Variants in DENND1B observed in about 807,000 individuals in gnomAD.
DENND1B encodes DENN domain containing 1B.
In DENND1B, 59 loss-of-function variants were observed where a neutral mutation model predicts 90.1. The observed-to-expected ratio is 0.65, with a 90% confidence interval of 0.53 to 0.81. The LOEUF is 0.81. Among genes scored for constraint, DENND1B ranks in the 40% least tolerant of loss-of-function variants. DENND1B has a pLI of 0.00. For synonymous variants in DENND1B, 337 were observed against 324.6 expected (o/e 1.04, Z -0.41); for missense variants, 862 against 912.6 (o/e 0.94, Z 0.71).
At chr1:197,707,086 A>C (rs932618399) in intron 3 of DENND1B, among the ~76,000 whole-genome samples, 4 of 152,224 alleles carry the variant, frequency 2.6e-5, no homozygotes, top group Admixed American at 2.6e-4. Flanking sequence ...CTATAAAAAA[A>C]GAACAAAATC....
At chr1:197,522,261 T>C (rs1045718383) in intron 20 of DENND1B, among the ~76,000 whole-genome samples, 7 of 152,078 alleles carry the variant, frequency 4.6e-5, no homozygotes, top group Admixed American at 3.9e-4. Flanking sequence ...ATTATCAAGA[T>C]ACGTATTTGG....
intron 15 of DENND1B, among the ~76,000 whole-genome samples, 190 bp downstream of exon 15, chr1:197,582,962 T>C (rs886793837): frequency 4.6e-5 from 7 of 152,212 alleles, no homozygotes; most frequent in African/African-American, 1.7e-4. Flanking sequence ...AAATTTTTAA[T>C]AGCAAAGTTA....
intron 16 of DENND1B, 161 bp downstream of exon 16, chr1:197,552,861 T>C: frequency 1.4e-6 from 2 of 1,393,878 alleles, no homozygotes; most frequent in Non-Finnish European, 1.8e-6. Flanking sequence ...CAAAATAAGC[T>C]AATTCCATAG....
At position 197,652,281 on chromosome 1, in the gene DENND1B, T is replaced by C. The variant is rs199778190; in HGVS notation, c.401A>G (p.Tyr134Cys). The C allele has an allele frequency of 3.7e-6, 6 of 1,611,912 alleles. No homozygotes were observed. The highest frequency in any genetic ancestry group is 1.3e-5 in the African/African-American group (1 of 74,872). Reference sequence around the variant, plus strand: ...ATTTGCCTTTGGTACTGGGTGGTTATACAGTGATCTGAGAGTTTCATTCAA... The same window carrying C: ...ATTTGCCTTTGGTACTGGGTGGTTACACAGTGATCTGAGAGTTTCATTCAA... ...NDLNETLRSL[Y>C]NHPVPKANTP... Residue 134 changes from tyrosine (Y) to cysteine (C), a missense_variant, in exon 7 of 23, where the codon TAT (tyrosine) becomes TGT (cysteine). Coordinates refer to ENST00000620048, the MANE Select transcript of DENND1B (RefSeq NM_001195215.2).
chr1:197,731,643 C>T (rs1188236299), intron 2 of DENND1B, among the ~76,000 whole-genome samples: 2 of 152,210 alleles, frequency 1.3e-5, no homozygotes, highest in Admixed American at 1.3e-4. Context: ...TTCCCTGGGC[C>T]ACAGTGGAAG....
rs1553304863 is a variant in DENND1B at position 197,614,031 on chromosome 1, C to CA, written c.774-2056_774-2055insT. 1.6e-3 allele frequency among the ~76,000 whole-genome samples: 226 copies of CA among 137,100 alleles called. 1 individual carries two copies. The highest frequency in any genetic ancestry group is 5.7e-3 in the African/African-American group (219 of 38,108). The allele number at this position is 137,100 out of a possible 152,430, so 89.9% of individuals were successfully genotyped here. A position where few individuals can be genotyped will look rare whatever the true frequency, so the allele number is the denominator to read the frequency against. On this transcript the variant is annotated intron_variant, in intron 11 of 22. Coordinates refer to ENST00000620048, the MANE Select transcript of DENND1B (RefSeq NM_001195215.2). Reference sequence around the variant, plus strand: ...AACCTACTGAATACATCTAGGAAAACTTTTTTTTTTTTTTTTTGAGACGGA... The same window carrying CA: ...AACCTACTGAATACATCTAGGAAAACATTTTTTTTTTTTTTTTTGAGACGGA...
chr1:197,635,384 C>T (rs552568698), intron 10 of DENND1B, among the ~76,000 whole-genome samples: 1 of 152,006 alleles, frequency 6.6e-6, no homozygotes, highest in South Asian at 2.1e-4. Context: ...TGTTGCCAGG[C>T]TGGAATGCAG....
At position 197,610,401 on chromosome 1, in the gene DENND1B, G is replaced by A. The variant is rs1420156949; in HGVS notation, c.819+1530C>T. 2.0e-5 allele frequency among the ~76,000 whole-genome samples: 3 copies of A among 150,324 alleles called. No individual in the cohort carries two copies. In the East Asian group the frequency reaches 5.9e-4, roughly 29 times the overall value. On this transcript the variant is annotated intron_variant, in intron 12 of 22. Transcript: ENST00000620048. ...TTTAAAATATATACCCTTTTATACAGTATTTTGGAAACGCTGAATCATTTG... is the reference window on the plus strand; with the variant it reads ...TTTAAAATATATACCCTTTTATACAATATTTTGGAAACGCTGAATCATTTG...
intron 14 of DENND1B, among the ~76,000 whole-genome samples, chr1:197,591,355 T>C (rs17622452): frequency 0.16 from 23,857 of 152,112 alleles, 2,152 homozygotes; most frequent in Non-Finnish European, 0.2. Flanking sequence ...ATATATCTGA[T>C]AAACATAAAT....
chr1:197,750,449 A>C (rs1169106514), intron 2 of DENND1B, among the ~76,000 whole-genome samples: 3 of 152,164 alleles, frequency 2.0e-5, no homozygotes, highest in Non-Finnish European at 4.4e-5. Flanking sequence ...CCAAAAGTAC[A>C]ACCATAAAAC....
intron 2 of DENND1B, among the ~76,000 whole-genome samples, chr1:197,760,356 CA>C (rs1303577969): frequency 1.3e-5 from 2 of 151,960 alleles, no homozygotes; most frequent in African/African-American, 2.4e-5. Context: ...AGAAATGAAT[CA>C]AAAAATTACT....
chr1:197,642,952 TTAAGTGTAA>T, intron 9 of DENND1B, 131 bp from the exon 10 acceptor site: 1 of 600,420 alleles, frequency 1.7e-6, no homozygotes, highest in South Asian at 2.2e-5. Context: ...ATTAAAATAA[TTAAGTGTAA>T]TACTAGTCGG....
chr1:197,780,541 G>A (rs1657401457), upstream of DENND1B, among the ~76,000 whole-genome samples: 1 of 151,890 alleles, frequency 6.6e-6, no homozygotes, highest in Non-Finnish European at 1.5e-5. Context: ...GGTCAGGACG[G>A]TCTCCATCTC....
chr1:197,778,770 T>C (rs543622365), upstream of DENND1B, among the ~76,000 whole-genome samples: 4 of 152,316 alleles, frequency 2.6e-5, no homozygotes, highest in African/African-American at 9.6e-5. Context: ...TTTCTTCTGA[T>C]CTGTTTTTTT....
At chr1:197,600,977 C>CT (rs2125823273) in intron 13 of DENND1B, among the ~76,000 whole-genome samples, 1 of 151,676 alleles carries the variant, frequency 6.6e-6, no homozygotes, top group South Asian at 2.1e-4. Flanking sequence ...ACCACAGAGA[C>CT]ACACATGGTT....
chr1:197,526,458 T>C (rs973146049), intron 20 of DENND1B, among the ~76,000 whole-genome samples: 3 of 151,994 alleles, frequency 2.0e-5, no homozygotes, highest in Non-Finnish European at 4.4e-5. Context: ...CAAAGTCAAA[T>C]AGGACAGAAT....
At chr1:197,670,766 T>C (rs1200537913) in intron 5 of DENND1B, among the ~76,000 whole-genome samples, 2 of 151,902 alleles carry the variant, frequency 1.3e-5, no homozygotes, top group African/African-American at 2.4e-5. Context: ...CAGGAAACAA[T>C]GATAAAAGGA....
chr1:197,546,114 A>G, intron 17 of DENND1B, 124 bp from the exon 18 acceptor site: 1 of 563,414 alleles, frequency 1.8e-6, no homozygotes. Flanking sequence ...GACCTATACA[A>G]ATTATTTCAT....
chr1:197,571,357 AT>A (rs2125733810), intron 15 of DENND1B, among the ~76,000 whole-genome samples: 2 of 152,296 alleles, frequency 1.3e-5, no homozygotes, highest in East Asian at 3.9e-4. Flanking sequence ...TTCTAACCTC[AT>A]TTAGTACAAC....
Sources: gnomAD v4.1 joint callset for allele counts (sites outside exome capture counted in the v4.1 genomes callset) on GRCh38, gnomAD v4.1.1 for gene constraint, MANE v1.5 for transcripts, NCBI Gene and HGNC (gene_info 2026-07-23, HGNC 2026-07-21) for gene names.